The following AKNA variants were observed in gnomAD, a reference collection of about 807,000 sequenced individuals.
AKNA encodes the protein microtubule organization protein AKNA.
In AKNA, 67 loss-of-function variants were observed where a neutral mutation model predicts 138.8. The observed-to-expected ratio is 0.48, with a 90% CI of 0.40 to 0.59. The LOEUF (loss-of-function observed/expected upper bound fraction) is 0.59. AKNA is among the 20% of genes least tolerant of loss of function. The pLI is 0.00. For missense variants in AKNA, 1,813 were observed against 1,880.4 expected (o/e 0.96, Z 0.66); for synonymous variants, 737 against 754.4 (o/e 0.98, Z 0.38).
intron 3 of AKNA, 23 bp from the exon 4 acceptor site, chr9:114,374,190 G>A (rs572576660): frequency 1.2e-5 from 18 of 1,551,136 alleles, no homozygotes; most frequent in Middle Eastern, 1.7e-4. Flanking sequence ...GGAGCAACAC[G>A]GTCACATGCG....
At chr9:114,357,838 A>C in intron 12 of AKNA, 83 bp downstream of exon 12, 17 of 1,564,470 alleles carry the variant, frequency 1.1e-5, no homozygotes, top group Non-Finnish European at 1.5e-5. Context: ...GAATAGCACA[A>C]GGAAAGACCC....
chr9:114,397,070 T>C (rs1834557001), upstream of AKNA, among the ~76,000 whole-genome samples: 1 of 152,068 alleles, frequency 6.6e-6, no homozygotes. Context: ...TGAAATCCCC[T>C]TGCAACAAAC....
chr9:114,332,946 G>C, downstream of AKNA: 15 of 1,423,564 alleles, frequency 1.1e-5, 1 homozygote, highest in South Asian at 2.0e-4. Context: ...CAGTGCCAGG[G>C]TTGGAGCCCT....
At chr9:114,365,451 A>G (rs906505097) in intron 6 of AKNA, among the ~76,000 whole-genome samples, 1 of 152,184 alleles carries the variant, frequency 6.6e-6, no homozygotes, top group Non-Finnish European at 1.5e-5. Context: ...TATCATGGGC[A>G]TCTATTACCT....
chr9:114,331,453 G>C, downstream of AKNA: 1 of 806,468 alleles, frequency 1.2e-6, no homozygotes, highest in Non-Finnish European at 2.0e-6. Context: ...AAGGAGACCC[G>C]GGCCTTCACT....
rs189512191 is a variant in AKNA at position 114,377,230 on chromosome 9, C to T, written c.577G>A (p.Val193Ile). Residue 193 changes from valine to isoleucine, a missense_variant, in exon 3 of 22, where the codon GTT (valine) becomes ATT (isoleucine). Coordinates refer to ENST00000374088, the MANE Select transcript of AKNA (RefSeq NM_001317950.2). ...CAGGACCTTGCCGGGCTGAGTTCAA[C>T]GGATGGGTTGACCTCGGAATGTTCA... ...LSEHSEVNPSVELSPARSWSS... is the reference protein window; with the variant it reads ...LSEHSEVNPSIELSPARSWSS... The T allele has an allele frequency of 4.3e-5, 69 of 1,614,190 alleles. No individual in the cohort carries two copies. Among genetic ancestry groups the T allele is most frequent in the Middle Eastern group, 1.6e-4 (1 of 6,062 alleles).
intron 1 of AKNA, among the ~76,000 whole-genome samples, chr9:114,382,258 G>A (rs957164021): frequency 1.4e-4 from 21 of 152,152 alleles, no homozygotes; most frequent in Non-Finnish European, 2.1e-4. Flanking sequence ...ACCTCACTGG[G>A]GTAAGAATTC....
At chr9:114,351,153 T>G in intron 14 of AKNA, 132 bp from the exon 15 acceptor site, 1 of 918,398 alleles carries the variant, frequency 1.1e-6, no homozygotes, top group Non-Finnish European at 1.6e-6. Context: ...AAGTTCCTGA[T>G]GAGGCCAATG....
chr9:114,341,633 G>T lies in AKNA; in HGVS notation c.3967C>A (p.Pro1323Thr). ...KQAGSSPRPP[P>T]GLWYLATAPP... ...GCTGTTGCCAGATACCACAGTCCGG[G>T]GGGTGGGCGTGGCGACGACCCCGCC... Residue 1323 changes from proline (P) to threonine (T), a missense_variant, in exon 21 of 22, where the codon CCC (proline) becomes ACC (threonine). Coordinates refer to ENST00000374088, the MANE Select transcript of AKNA (RefSeq NM_001317950.2). The T allele has an allele frequency of 1.9e-6, 3 of 1,611,822 alleles. No homozygotes were observed. The highest frequency in any genetic ancestry group is 2.5e-6 in the Non-Finnish European group (3 of 1,179,330).
chr9:114,384,098 A>T (rs904069135), intron 1 of AKNA, among the ~76,000 whole-genome samples: 1 of 152,246 alleles, frequency 6.6e-6, no homozygotes, highest in African/African-American at 2.4e-5. Flanking sequence ...TTTGGCTAAG[A>T]TCACCCAGCT....
In AKNA at chr9:114,362,438, G is replaced by C. The variant is rs1170392181; in HGVS notation, c.1884C>G (p.Ser628=). ...GATCAAATCTTCCAGGCGTCCCCTT[G>C]GAGCCGGCAAGCGGCTGGGCAGGGT... is the stretch of plus-strand genomic sequence containing the variant. ...EQHPAQPLAG[S]KGTPGRFDPR... Residue 628 remains serine (S), a synonymous_variant, in exon 8 of 22, where the codon TCC becomes TCG. Transcript: ENST00000374088. 1.2e-6 allele frequency: 2 copies of C among 1,612,944 alleles called. No individual in the cohort carries two copies. The highest frequency in any genetic ancestry group is 3.3e-5 in the Admixed American group (2 of 59,904).
At chr9:114,388,436 C>A (rs754955682), upstream of AKNA, among the ~76,000 whole-genome samples, 27 of 152,184 alleles carry the variant, frequency 1.8e-4, no homozygotes, top group Admixed American at 9.8e-4. Context: ...ACCACTCCTG[C>A]CCTTCCAGCT....
chr9:114,388,016 G>A (rs574564719), upstream of AKNA: 106 of 322,120 alleles, frequency 3.3e-4, no homozygotes, highest in East Asian at 1.2e-3. Flanking sequence ...GACCAGCATC[G>A]CTCCCCACCT....
At chr9:114,349,195 A>G (rs1588956704) in intron 15 of AKNA, among the ~76,000 whole-genome samples, 1 of 152,098 alleles carries the variant, frequency 6.6e-6, no homozygotes, top group South Asian at 2.1e-4. Context: ...AAAAAGACTT[A>G]CCAGGCCGGG....
intron 1 of AKNA, among the ~76,000 whole-genome samples, chr9:114,384,336 C>T (rs1833889420): frequency 1.3e-5 from 2 of 152,082 alleles, no homozygotes; most frequent in Non-Finnish European, 2.9e-5. Context: ...TTTGGGAGGC[C>T]GAGGTGGGCA....
chr9:114,395,166 C>T (rs375850184), upstream of AKNA, among the ~76,000 whole-genome samples: 3 of 152,172 alleles, frequency 2.0e-5, no homozygotes, highest in East Asian at 3.9e-4. Flanking sequence ...GTAGATCAGC[C>T]CTTTGCTGTT....
intron 21 of AKNA, among the ~76,000 whole-genome samples, chr9:114,340,964 C>G (rs1030818347): frequency 5.3e-5 from 8 of 152,110 alleles, no homozygotes; most frequent in Non-Finnish European, 1.2e-4. Context: ...TGGAGGAAAA[C>G]GGCCTGAAGG....
intron 5 of AKNA, among the ~76,000 whole-genome samples, chr9:114,367,981 C>T (rs991596680): frequency 9.2e-5 from 14 of 152,242 alleles, no homozygotes; most frequent in African/African-American, 3.4e-4. Flanking sequence ...CACAGGGAGA[C>T]GTGAGTTCCA....
chr9:114,342,029 C>T lies in AKNA; in HGVS notation c.3854G>A (p.Gly1285Asp). The T allele has an allele frequency of 1.2e-6, 2 of 1,614,034 alleles. No individual in the cohort carries two copies. Among genetic ancestry groups the T allele is most frequent in the Non-Finnish European group, 1.7e-6 (2 of 1,179,918 alleles). ...GQVGSPPEAD[G>D]PGSATSGAEK... ...CCTACCAGAGGTGGCTGAGCCTGGA[C>T]CATCTGCCTCTGGGGGAGACCCAAC... Residue 1285 changes from glycine to aspartate, a missense_variant, in exon 20 of 22, where the codon GGT (glycine) becomes GAT (aspartate). Physicochemically the swap from Gly to Asp is moderately conservative, Grantham distance 94 (BLOSUM62 -1). Coordinates refer to ENST00000374088, the MANE Select transcript of AKNA (RefSeq NM_001317950.2).
Sources: allele counts gnomAD v4.1 joint callset (sites outside exome capture counted in the v4.1 genomes callset), GRCh38; gene constraint gnomAD v4.1.1; transcripts MANE v1.5; gene names NCBI Gene and HGNC (gene_info 2026-07-23, HGNC 2026-07-21).